M1AP: variants seen among roughly 807,000 people sequenced by gnomAD.
The protein encoded by M1AP is meiosis 1 associated protein.
M1AP carries 39 observed loss-of-function variants against 51.2 expected under a neutral mutation model. That is an observed-to-expected ratio of 0.76 (90% confidence interval 0.59 to 1.00). The LOEUF (loss-of-function observed/expected upper bound fraction) is 1.00, where lower values mean the gene tolerates loss of function less well. Ranked by LOEUF, M1AP falls within the 50% of genes least tolerant of loss-of-function variation. M1AP has a pLI of 0.00. For missense variants in M1AP, 545 were observed against 641.2 expected, an observed-to-expected ratio of 0.85 and a Z score of 1.62; for synonymous variants, 251 against 249.2, an observed-to-expected ratio of 1.01 and a Z score of -0.07.
Position 74,576,442 on chromosome 2 carries a change from C to T in M1AP, c.932+14G>A, listed in dbSNP as rs1379613735. ...AGCATTTGCATGGATTGGGGAGGTT[C>T]CCTTGGACCATACTTGATCACTTGG... On this transcript the variant is annotated intron_variant, in intron 6 of 10. Transcript: ENST00000421985. 5.6e-6 allele frequency: 9 copies of T among 1,612,838 alleles called. No homozygotes were observed. Among genetic ancestry groups the T allele is most frequent in the Non-Finnish European group, 6.8e-6 (8 of 1,179,750 alleles).
At chr2:74,593,254 A>G (rs1482271135) in intron 4 of M1AP, among the ~76,000 whole-genome samples, 1 of 152,240 alleles carries the variant, frequency 6.6e-6, no homozygotes, top group Non-Finnish European at 1.5e-5. Flanking sequence ...GCAGAAAAGG[A>G]GGTAAAAAGA....
chr2:74,636,009 G>A (rs1682969995), intron 2 of M1AP, among the ~76,000 whole-genome samples: 1 of 152,022 alleles, frequency 6.6e-6, no homozygotes, highest in Non-Finnish European at 1.5e-5. Flanking sequence ...GTTGGCTGAT[G>A]TTTTTCTATA....
At chr2:74,621,552 G>A (rs1002920885) in intron 2 of M1AP, among the ~76,000 whole-genome samples, 7 of 152,124 alleles carry the variant, frequency 4.6e-5, no homozygotes, top group Non-Finnish European at 8.8e-5. Flanking sequence ...TTGGGAGGCC[G>A]AGGTGGGCGG....
intron 7 of M1AP, among the ~76,000 whole-genome samples, chr2:74,565,130 G>C (rs1025678069): frequency 6.6e-5 from 10 of 152,086 alleles, no homozygotes; most frequent in African/African-American, 2.2e-4. Context: ...GGCTGAGGCA[G>C]GAGAATCACT....
rs1448198491 is a variant in M1AP at position 74,562,285 on chromosome 2, G to C, written c.1213C>G (p.Leu405Val). The C allele has an allele frequency of 6.2e-7, 1 of 1,614,118 alleles. No homozygotes were observed. Among genetic ancestry groups the C allele is most frequent in the African/African-American group, 1.3e-5 (1 of 74,938 alleles). Residue 405 changes from leucine to valine, a missense_variant, in exon 8 of 11, where the codon CTG becomes GTG. By Grantham distance (32) the Leu-to-Val change is conservative. Transcript: ENST00000421985. ...AGGGGGAAGGTGCTGGGCAGCATCAGTTCCCGCGTGGCCACCGCCTTTACC... is the reference window on the plus strand; with the variant it reads ...AGGGGGAAGGTGCTGGGCAGCATCACTTCCCGCGTGGCCACCGCCTTTACC... ...LLVKAVATRE[L>V]MLPSTFPLLP... is the part of the protein sequence containing the mutation.
chr2:74,561,139 G>A lies in M1AP; in HGVS notation c.1282-848C>T, dbSNP rs1387528881. Among the ~76,000 whole-genome samples, 244 of 97,632 alleles carry A rather than the reference G, an allele frequency of 2.5e-3. 1 individual carries two copies. Among genetic ancestry groups the A allele is most frequent in the East Asian group, 5.2e-3 (14 of 2,716 alleles). The allele number at this position is 97,632 out of a possible 152,430, so 64.1% of individuals were successfully genotyped here. A position where few individuals can be genotyped will look rare whatever the true frequency, so the allele number is the denominator to read the frequency against. ...GGAGGAGGAGGAGAAGGAGGAGGAG[G>A]AGAAGGAGGAGGAGAAGGAGGAGGA... On this transcript the variant is annotated intron_variant, in intron 8 of 10. Coordinates refer to ENST00000421985, the MANE Select transcript of M1AP (RefSeq NM_001321739.2).
chr2:74,596,290 A>C (rs746532261), intron 4 of M1AP, among the ~76,000 whole-genome samples: 20 of 152,306 alleles, frequency 1.3e-4, no homozygotes, highest in Non-Finnish European at 2.4e-4. Context: ...GAACCATAAA[A>C]ACAGTAAGAT....
chr2:74,628,123 A>G (rs1682504960), intron 2 of M1AP, among the ~76,000 whole-genome samples: 1 of 152,240 alleles, frequency 6.6e-6, no homozygotes, highest in Non-Finnish European at 1.5e-5. Context: ...TTCTACTGCC[A>G]ACATACTTTC....
intron 2 of M1AP, chr2:74,615,556 A>G (rs1322832412): frequency 5.4e-6 from 1 of 184,212 alleles, no homozygotes; most frequent in African/African-American, 2.4e-5. Context: ...CTACTTAAAA[A>G]TGAGGTTTTC....
intron 7 of M1AP, 69 bp from the exon 8 acceptor site, chr2:74,562,492 A>G (rs1036946569): frequency 7.0e-6 from 11 of 1,562,930 alleles, no homozygotes; most frequent in South Asian, 2.3e-5. Context: ...ATCAGTCCCA[A>G]TTGAAGTTTC....
intron 1 of M1AP, among the ~76,000 whole-genome samples, chr2:74,645,547 C>A (rs530710032): frequency 2.6e-5 from 4 of 152,338 alleles, no homozygotes; most frequent in Non-Finnish European, 4.4e-5. Context: ...CCAGTGTGCC[C>A]TGTCAGTTTA....
At chr2:74,564,480 A>T (rs986654465) in intron 7 of M1AP, among the ~76,000 whole-genome samples, 17 of 152,316 alleles carry the variant, frequency 1.1e-4, no homozygotes, top group Non-Finnish European at 1.9e-4. Flanking sequence ...TGATTTGGGC[A>T]TGGGAAAATT....
At chr2:74,635,966 G>A (rs960206121) in intron 2 of M1AP, among the ~76,000 whole-genome samples, 1 of 152,002 alleles carries the variant, frequency 6.6e-6, no homozygotes, top group Non-Finnish European at 1.5e-5. Flanking sequence ...CTTGTTGTTA[G>A]GTGGAGTATT....
At chr2:74,563,223 T>C (rs1356520001) in intron 7 of M1AP, among the ~76,000 whole-genome samples, 4 of 151,618 alleles carry the variant, frequency 2.6e-5, no homozygotes, top group Non-Finnish European at 5.9e-5. Context: ...AAAAATTAAA[T>C]AAATAAAGAT....
At chr2:74,574,433 C>T (rs1678932606) in intron 7 of M1AP, among the ~76,000 whole-genome samples, 1 of 152,142 alleles carries the variant, frequency 6.6e-6, no homozygotes, top group African/African-American at 2.4e-5. Flanking sequence ...GGCCAAGAAG[C>T]GATTCTAAAA....
At chr2:74,600,373 T>A (rs1680608438) in intron 4 of M1AP, among the ~76,000 whole-genome samples, 1 of 152,246 alleles carries the variant, frequency 6.6e-6, no homozygotes, top group African/African-American at 2.4e-5. Context: ...TTAGTTCACA[T>A]ATCTTTTCCT....
At chr2:74,625,391 T>C (rs1311979291) in intron 2 of M1AP, among the ~76,000 whole-genome samples, 1 of 152,170 alleles carries the variant, frequency 6.6e-6, no homozygotes, top group Non-Finnish European at 1.5e-5. Context: ...TGTGTTCTTT[T>C]CCAAGCATAC....
intron 3 of M1AP, among the ~76,000 whole-genome samples, chr2:74,610,501 T>C (rs772514103): frequency 6.6e-6 from 1 of 152,236 alleles, no homozygotes; most frequent in African/African-American, 2.4e-5. Context: ...CAGGCTGGAA[T>C]GCAGTGGTAT....
chr2:74,589,843 T>C (rs1679937582), intron 4 of M1AP, among the ~76,000 whole-genome samples: 1 of 152,252 alleles, frequency 6.6e-6, no homozygotes, highest in African/African-American at 2.4e-5. Flanking sequence ...AAAGAACTAA[T>C]GGTTCACAAT....
Sources: gnomAD v4.1 joint callset for allele counts (sites outside exome capture counted in the v4.1 genomes callset) on GRCh38, gnomAD v4.1.1 for gene constraint, MANE v1.5 for transcripts, NCBI Gene and HGNC (gene_info 2026-07-23, HGNC 2026-07-21) for gene names.